The following SAMD5 variants were observed in gnomAD, a reference collection of about 807,000 sequenced individuals.
The protein encoded by SAMD5 is sterile alpha motif domain-containing protein 5.
Under a neutral mutation model 11.3 loss-of-function variants are expected in SAMD5, and 13 were observed. The observed-to-expected ratio is 1.15, with a 90% CI of 0.75 to 1.83. The LOEUF (loss-of-function observed/expected upper bound fraction) is 1.83. Among genes scored for constraint, SAMD5 ranks in the 40% most tolerant of loss-of-function variants. SAMD5 has a pLI of 0.00. For synonymous variants in SAMD5, 129 were observed against 111.3 expected (o/e 1.16, Z -1.00); for missense variants, 255 against 239.1 (o/e 1.07, Z -0.44).
At chr6:147,916,757 C>T in the SAMD5 span, among the ~76,000 whole-genome samples, 2 of 139,690 alleles carry the variant, frequency 1.4e-5, no homozygotes, top group African/African-American at 2.7e-5. Context: ...CTTCCTGTGT[C>T]GATGTGTTCT....
At chr6:147,824,120 A>C in the SAMD5 span, among the ~76,000 whole-genome samples, 1 of 152,130 alleles carries the variant, frequency 6.6e-6, no homozygotes, top group Non-Finnish European at 1.5e-5. Context: ...TTCATTCAAC[A>C]CTTGGGTACT....
chr6:147,686,720 T>TTTC (rs1791017017), intron 1 of SAMD5, among the ~76,000 whole-genome samples: 1 of 151,960 alleles, frequency 6.6e-6, no homozygotes, highest in Admixed American at 6.6e-5. Context: ...CTTTTTTTTT[T>TTTC]CCTCACTCAA....
intron 1 of SAMD5, among the ~76,000 whole-genome samples, chr6:147,598,854 GA>G (rs1789575275): frequency 6.6e-6 from 1 of 152,162 alleles, no homozygotes; most frequent in African/African-American, 2.4e-5. Flanking sequence ...CAGGAGAGAA[GA>G]AAAAACCTGG....
the SAMD5 span, among the ~76,000 whole-genome samples, chr6:147,924,587 G>C: frequency 6.6e-6 from 1 of 151,668 alleles, no homozygotes; most frequent in African/African-American, 2.4e-5. Context: ...ATTTTTTCTA[G>C]CATTTACTAG....
intron 1 of SAMD5, among the ~76,000 whole-genome samples, chr6:147,596,510 T>C (rs952322816): frequency 1.4e-4 from 21 of 151,116 alleles, no homozygotes; most frequent in African/African-American, 5.2e-4. Context: ...GTTCATTCTC[T>C]ACAAATATAT....
chr6:147,741,161 T>C (rs980850482), downstream of SAMD5, among the ~76,000 whole-genome samples: 5 of 152,096 alleles, frequency 3.3e-5, no homozygotes, highest in South Asian at 8.3e-4. Flanking sequence ...TTAGATCTAC[T>C]AGAGGTAAAG....
At chr6:147,713,101 T>C (rs1233215278) in intron 1 of SAMD5, among the ~76,000 whole-genome samples, 1 of 152,216 alleles carries the variant, frequency 6.6e-6, no homozygotes, top group Non-Finnish European at 1.5e-5. Context: ...AGAATGTTTG[T>C]GTTTGATAAT....
chr6:147,511,542 T>C (rs1030705056), intron 1 of SAMD5, among the ~76,000 whole-genome samples: 1 of 152,196 alleles, frequency 6.6e-6, no homozygotes, highest in Non-Finnish European at 1.5e-5. Context: ...TCTATACATA[T>C]TTAATTCTCC....
chr6:147,808,323 C>T, the SAMD5 span, among the ~76,000 whole-genome samples: 1 of 152,204 alleles, frequency 6.6e-6, no homozygotes, highest in Non-Finnish European at 1.5e-5. Flanking sequence ...TTCAGCTTCT[C>T]GAGTAGCTAG....
At chr6:147,649,459 G>A (rs1447194019) in intron 1 of SAMD5, among the ~76,000 whole-genome samples, 2 of 152,194 alleles carry the variant, frequency 1.3e-5, no homozygotes, top group Non-Finnish European at 2.9e-5. Context: ...TTTATAAAAG[G>A]GATGTATGCT....
the SAMD5 span, among the ~76,000 whole-genome samples, chr6:147,856,685 A>G: frequency 1.3e-5 from 2 of 152,158 alleles, no homozygotes; most frequent in Non-Finnish European, 2.9e-5. Context: ...CGCTGAGCCA[A>G]AGGATCCAAA....
chr6:147,563,376 G>T (rs1303657225), intron 1 of SAMD5, among the ~76,000 whole-genome samples: 1 of 152,160 alleles, frequency 6.6e-6, no homozygotes, highest in South Asian at 2.1e-4. Flanking sequence ...GCTTGGAGAG[G>T]TTGCAGAGAT....
At chr6:147,550,391 T>C (rs1788751349) in intron 1 of SAMD5, among the ~76,000 whole-genome samples, 1 of 152,054 alleles carries the variant, frequency 6.6e-6, no homozygotes, top group Non-Finnish European at 1.5e-5. Context: ...GATCCAGCAA[T>C]CCTGCTACTG....
At chr6:147,915,740 C>A in the SAMD5 span, among the ~76,000 whole-genome samples, 1 of 152,254 alleles carries the variant, frequency 6.6e-6, no homozygotes, top group South Asian at 2.1e-4. Context: ...GAAAGAATTG[C>A]ATTTTCTGCA....
At chr6:147,770,448 A>G in the SAMD5 span, among the ~76,000 whole-genome samples, 1 of 152,196 alleles carries the variant, frequency 6.6e-6, no homozygotes, top group Non-Finnish European at 1.5e-5. Flanking sequence ...TGACTCGGGA[A>G]ATCAGAGTCT....
the SAMD5 span, among the ~76,000 whole-genome samples, chr6:147,764,324 C>T: frequency 6.6e-6 from 1 of 152,098 alleles, no homozygotes; most frequent in Non-Finnish European, 1.5e-5. Context: ...CTTAATCATA[C>T]CACATCTAGT....
At chr6:147,817,159 T>C in the SAMD5 span, among the ~76,000 whole-genome samples, 1 of 152,210 alleles carries the variant, frequency 6.6e-6, no homozygotes, top group South Asian at 2.1e-4. Context: ...GAGTGCCATA[T>C]GCATTTCTAC....
chr6:147,670,909 G>C (rs894084998), intron 1 of SAMD5, among the ~76,000 whole-genome samples: 1 of 152,126 alleles, frequency 6.6e-6, no homozygotes, highest in Non-Finnish European at 1.5e-5. Flanking sequence ...TTCCTGTTTG[G>C]CACCAGAGGC....
At chr6:147,835,823 C>T in the SAMD5 span, among the ~76,000 whole-genome samples, 51 of 152,316 alleles carry the variant, frequency 3.3e-4, no homozygotes, top group Non-Finnish European at 5.1e-4. Flanking sequence ...ACCTCCTTGT[C>T]TCCAGCTCTC....
Sources: allele counts gnomAD v4.1 joint callset (sites outside exome capture counted in the v4.1 genomes callset), GRCh38; gene constraint gnomAD v4.1.1; transcripts MANE v1.5; gene names NCBI Gene and HGNC (gene_info 2026-07-23, HGNC 2026-07-21).